Variants in ADAMTSL3 observed in about 807,000 individuals in gnomAD.
ADAMTSL3 encodes the protein ADAMTS-like protein 3.
A neutral mutation model predicts 201.7 loss-of-function variants in ADAMTSL3; 128 were observed. That is an observed-to-expected ratio of 0.63 (90% CI 0.55 to 0.73). The LOEUF (loss-of-function observed/expected upper bound fraction) is 0.73. Ranked by LOEUF, ADAMTSL3 falls within the 30% of genes least tolerant of loss-of-function variation. The pLI, the probability that ADAMTSL3 is intolerant of heterozygous loss-of-function variation, is 0.00. For synonymous variants in ADAMTSL3, 738 were observed against 748.4 expected, an observed-to-expected ratio of 0.99 and a Z score of 0.23; for missense variants, 1,990 against 2,119.6, an observed-to-expected ratio of 0.94 and a Z score of 1.20.
chr15:83,937,832 A>T (rs550023675), intron 17 of ADAMTSL3, among the ~76,000 whole-genome samples: 6 of 151,092 alleles, frequency 4.0e-5, no homozygotes, highest in African/African-American at 1.5e-4. Context: ...GTTCCTAGGT[A>T]TAAGCAGTAT....
At chr15:83,836,493 A>G (rs1004960551) in intron 6 of ADAMTSL3, among the ~76,000 whole-genome samples, 5 of 152,320 alleles carry the variant, frequency 3.3e-5, no homozygotes, top group Middle Eastern at 6.8e-3. Context: ...TGTTGGAAAG[A>G]ATTGTTATAA....
In ADAMTSL3 at chr15:83,819,803, G is replaced by GC. The variant is rs144806194; in HGVS notation, c.364-3dup. 40 of 1,610,786 alleles carry GC rather than the reference G, an allele frequency of 2.5e-5. No individual in the cohort carries two copies. In the African/African-American group the frequency reaches 5.2e-4, roughly 21 times the overall value. On this transcript the variant is annotated splice_polypyrimidine_tract_variant and splice_region_variant and intron_variant, in intron 5 of 29. Transcript: ENST00000286744. ...GATGTGCATGTGGCCTTTTCCCTCT[G>GC]CCCCCAGGACTGCCCTCCAGATGCA...
intron 19 of ADAMTSL3, among the ~76,000 whole-genome samples, chr15:83,950,180 G>A (rs2066732225): frequency 6.6e-6 from 1 of 152,064 alleles, no homozygotes; most frequent in African/African-American, 2.4e-5. Flanking sequence ...TTTGATTTTT[G>A]TATATATTAA....
intron 28 of ADAMTSL3, among the ~76,000 whole-genome samples, chr15:84,034,379 G>C (rs1199539518): frequency 6.6e-6 from 1 of 152,164 alleles, no homozygotes; most frequent in Non-Finnish European, 1.5e-5. Context: ...GGCGTGGGCA[G>C]AGGATCAGTG....
intron 28 of ADAMTSL3, among the ~76,000 whole-genome samples, chr15:84,035,612 C>T (rs1398868069): frequency 6.6e-6 from 1 of 152,210 alleles, no homozygotes; most frequent in Non-Finnish European, 1.5e-5. Context: ...AGGATTACTT[C>T]CAACTACGTG....
intron 19 of ADAMTSL3, among the ~76,000 whole-genome samples, chr15:83,964,788 C>T (rs1467881927): frequency 6.6e-6 from 1 of 152,138 alleles, no homozygotes; most frequent in Non-Finnish European, 1.5e-5. Flanking sequence ...ATTGGGTTAC[C>T]CACAAAGGGA....
At chr15:83,821,666 T>C (rs1261827290) in intron 6 of ADAMTSL3, among the ~76,000 whole-genome samples, 1 of 152,060 alleles carries the variant, frequency 6.6e-6, no homozygotes, top group Non-Finnish European at 1.5e-5. Context: ...ACGGCAACCA[T>C]CCGATTTCTC....
intron 4 of ADAMTSL3, among the ~76,000 whole-genome samples, chr15:83,803,101 T>C (rs1381237541): frequency 6.6e-6 from 1 of 152,234 alleles, no homozygotes. Flanking sequence ...AAAATGCTTA[T>C]CATATTAGAT....
intron 3 of ADAMTSL3, among the ~76,000 whole-genome samples, chr15:83,768,336 T>C (rs779485340): frequency 2.0e-5 from 3 of 152,190 alleles, no homozygotes; most frequent in Non-Finnish European, 2.9e-5. Context: ...TTAACTATTA[T>C]GTGATGCTGT....
At chr15:83,721,746 T>C (rs1191683598) in intron 3 of ADAMTSL3, among the ~76,000 whole-genome samples, 1 of 152,108 alleles carries the variant, frequency 6.6e-6, no homozygotes, top group Admixed American at 6.6e-5. Context: ...TGTTTGTTTG[T>C]TTTTGGGATG....
At chr15:83,662,419 G>A (rs1387635043) in intron 2 of ADAMTSL3, among the ~76,000 whole-genome samples, 9 of 130,680 alleles carry the variant, frequency 6.9e-5, no homozygotes, top group African/African-American at 2.0e-4. Context: ...TCTGGGGACT[G>A]TGGTGGGGTG....
At chr15:83,673,910 T>C (rs1403083036) in intron 2 of ADAMTSL3, among the ~76,000 whole-genome samples, 1 of 152,210 alleles carries the variant, frequency 6.6e-6, no homozygotes, top group Non-Finnish European at 1.5e-5. Flanking sequence ...CATGGCTTCT[T>C]CTCTGCTTTC....
chr15:83,808,928 A>G (rs982511506), intron 5 of ADAMTSL3, among the ~76,000 whole-genome samples: 5 of 152,018 alleles, frequency 3.3e-5, no homozygotes, highest in African/African-American at 1.2e-4. Flanking sequence ...AAAAAAAAAA[A>G]AAACAACTTG....
intron 2 of ADAMTSL3, among the ~76,000 whole-genome samples, chr15:83,692,685 CAAAAAAA>C (rs766382952): frequency 2.3e-4 from 10 of 43,322 alleles, no homozygotes; most frequent in Admixed American, 5.0e-4. Flanking sequence ...GACTCCATCT[CAAAAAAA>C]AAAAAAAAAA....
At chr15:83,675,202 C>T (rs2061386305) in intron 2 of ADAMTSL3, among the ~76,000 whole-genome samples, 1 of 152,008 alleles carries the variant, frequency 6.6e-6, no homozygotes, top group Non-Finnish European at 1.5e-5. Flanking sequence ...AAATTAACAA[C>T]CAATACTATG....
chr15:83,780,226 A>G (rs999662541), intron 4 of ADAMTSL3, among the ~76,000 whole-genome samples: 3 of 152,112 alleles, frequency 2.0e-5, no homozygotes, highest in African/African-American at 7.2e-5. Context: ...CCTGACCAAC[A>G]TGGTGAAACC....
chr15:83,914,080 G>A (rs2065985247), intron 16 of ADAMTSL3, among the ~76,000 whole-genome samples: 1 of 152,172 alleles, frequency 6.6e-6, no homozygotes, highest in Admixed American at 6.5e-5. Flanking sequence ...TTACATGAAG[G>A]AGACTGGGTC....
At chr15:83,973,786 T>C (rs1340296218) in intron 20 of ADAMTSL3, among the ~76,000 whole-genome samples, 1 of 152,126 alleles carries the variant, frequency 6.6e-6, no homozygotes, top group Non-Finnish European at 1.5e-5. Flanking sequence ...AAATGTATGA[T>C]CTACTCCATC....
At chr15:83,661,810 A>C (rs1028029158) in intron 2 of ADAMTSL3, among the ~76,000 whole-genome samples, 1 of 150,038 alleles carries the variant, frequency 6.7e-6, no homozygotes, top group Non-Finnish European at 1.5e-5. Context: ...CAGCCAAAAA[A>C]CACATGAAAA....
Sources: allele counts gnomAD v4.1 joint callset (sites outside exome capture counted in the v4.1 genomes callset), GRCh38; gene constraint gnomAD v4.1.1; transcripts MANE v1.5; gene names NCBI Gene and HGNC (gene_info 2026-07-23, HGNC 2026-07-21).